Variants in PPARGC1A observed in about 807,000 individuals in gnomAD.
The protein encoded by PPARGC1A is peroxisome proliferator-activated receptor gamma coactivator 1-alpha.
A neutral mutation model predicts 88.7 loss-of-function variants in PPARGC1A; 25 were observed. The ratio of observed to expected loss-of-function variants is 0.28; its 90% confidence interval spans 0.21 to 0.39. PPARGC1A has a LOEUF of 0.39. Ranked by LOEUF, PPARGC1A falls within the 10% of genes least tolerant of loss-of-function variation. The probability of loss-of-function intolerance (pLI) is 1.00; values close to 1 mark genes in which losing one functional copy is unlikely to be tolerated. For missense variants in PPARGC1A, 880 were observed against 968.7 expected (o/e 0.91, Z 1.22); for synonymous variants, 363 against 355.6 (o/e 1.02, Z -0.24).
intron 1 of PPARGC1A, among the ~76,000 whole-genome samples, chr4:23,895,314 T>A (rs7687165): frequency 0.014 from 2,107 of 151,650 alleles, 42 homozygotes; most frequent in South Asian, 0.094. Flanking sequence ...ATATATATAT[T>A]TTTTTCTTTT....
At chr4:24,203,238 G>A in the PPARGC1A span, among the ~76,000 whole-genome samples, 2 of 152,188 alleles carry the variant, frequency 1.3e-5, no homozygotes, top group Non-Finnish European at 2.9e-5. Flanking sequence ...TTCTGCAGTT[G>A]TTTCATTAAG....
At chr4:24,275,390 C>T in the PPARGC1A span, among the ~76,000 whole-genome samples, 2 of 152,152 alleles carry the variant, frequency 1.3e-5, no homozygotes, top group African/African-American at 4.8e-5. Context: ...TATTACAGAA[C>T]TAATTTATAA....
At chr4:24,068,098 C>T in the PPARGC1A span, among the ~76,000 whole-genome samples, 3 of 152,154 alleles carry the variant, frequency 2.0e-5, no homozygotes, top group African/African-American at 7.2e-5. Context: ...AGGCACAGAC[C>T]ATGTGGTCCT....
upstream of PPARGC1A, among the ~76,000 whole-genome samples, chr4:23,901,985 T>C (rs1355928188): frequency 1.3e-5 from 2 of 152,160 alleles, no homozygotes; most frequent in East Asian, 1.9e-4. Flanking sequence ...TAGCCACATA[T>C]ATGGCTACTG....
the PPARGC1A span, among the ~76,000 whole-genome samples, chr4:24,446,704 C>G: frequency 6.7e-6 from 1 of 150,356 alleles, no homozygotes; most frequent in Non-Finnish European, 1.5e-5. Flanking sequence ...TCAAGCAATT[C>G]TCCTGCCTCA....
At chr4:24,248,163 C>A in the PPARGC1A span, among the ~76,000 whole-genome samples, 8 of 152,124 alleles carry the variant, frequency 5.3e-5, no homozygotes, top group African/African-American at 1.7e-4. Context: ...CTCGCTCTGT[C>A]GCCCAGGCTG....
At chr4:24,237,558 C>T in the PPARGC1A span, among the ~76,000 whole-genome samples, 2 of 152,182 alleles carry the variant, frequency 1.3e-5, no homozygotes, top group Non-Finnish European at 2.9e-5. Context: ...AAATGGAGTT[C>T]GATACCCGTA....
At chr4:23,863,843 T>C (rs1731680051) in intron 2 of PPARGC1A, among the ~76,000 whole-genome samples, 1 of 152,152 alleles carries the variant, frequency 6.6e-6, no homozygotes, top group Non-Finnish European at 1.5e-5. Flanking sequence ...GCCTCCCAGG[T>C]TCAAGTGATT....
chr4:24,208,726 G>A, the PPARGC1A span, among the ~76,000 whole-genome samples: 1 of 147,714 alleles, frequency 6.8e-6, no homozygotes, highest in African/African-American at 2.5e-5. Flanking sequence ...ATATATTACA[G>A]TAATACGTAT....
the PPARGC1A span, among the ~76,000 whole-genome samples, chr4:23,998,919 T>G: frequency 6.6e-6 from 1 of 152,242 alleles, no homozygotes; most frequent in African/African-American, 2.4e-5. Context: ...AAATTCCAAA[T>G]GGGATACTGT....
intron 2 of PPARGC1A, among the ~76,000 whole-genome samples, chr4:23,858,293 TA>T (rs1010313440): frequency 1.3e-5 from 2 of 152,186 alleles, no homozygotes; most frequent in African/African-American, 4.8e-5. Flanking sequence ...GGATTTTTTT[TA>T]CTCCCTGGTT....
At chr4:24,109,714 G>A in the PPARGC1A span, among the ~76,000 whole-genome samples, 1 of 152,148 alleles carries the variant, frequency 6.6e-6, no homozygotes, top group South Asian at 2.1e-4. Context: ...GAGTAGTAGA[G>A]TGTCCCACAC....
chr4:24,159,867 A>G, the PPARGC1A span, among the ~76,000 whole-genome samples: 1 of 152,198 alleles, frequency 6.6e-6, no homozygotes, highest in Non-Finnish European at 1.5e-5. Context: ...AAGGCAGCAA[A>G]TTAGCTGGGA....
chr4:24,220,831 C>A, the PPARGC1A span, among the ~76,000 whole-genome samples: 1 of 152,062 alleles, frequency 6.6e-6, no homozygotes, highest in East Asian at 1.9e-4. Context: ...ACACAATATA[C>A]CCATTTAACA....
chr4:24,204,349 G>A, the PPARGC1A span, among the ~76,000 whole-genome samples: 1 of 151,982 alleles, frequency 6.6e-6, no homozygotes, highest in Non-Finnish European at 1.5e-5. Context: ...GTTCTTTGAG[G>A]GCAAAAAACC....
At chr4:24,333,153 A>G in the PPARGC1A span, among the ~76,000 whole-genome samples, 1 of 152,162 alleles carries the variant, frequency 6.6e-6, no homozygotes, top group Non-Finnish European at 1.5e-5. Flanking sequence ...GAGAGGCATG[A>G]GAATCACTTG....
At chr4:24,043,722 T>C in the PPARGC1A span, among the ~76,000 whole-genome samples, 1 of 152,190 alleles carries the variant, frequency 6.6e-6, no homozygotes, top group Non-Finnish European at 1.5e-5. Context: ...ATGGGGTAAA[T>C]AATGTTAGGT....
chr4:23,985,012 C>G, the PPARGC1A span, among the ~76,000 whole-genome samples: 9 of 151,932 alleles, frequency 5.9e-5, no homozygotes, highest in Non-Finnish European at 1.2e-4. Context: ...TCAGAGTGGC[C>G]AGAAGACAGA....
At chr4:23,806,934 T>C (rs1719915784) in intron 10 of PPARGC1A, among the ~76,000 whole-genome samples, 2 of 152,206 alleles carry the variant, frequency 1.3e-5, no homozygotes. Flanking sequence ...TTAATGCTTT[T>C]AATGGGTGAT....
Sources: allele counts gnomAD v4.1 joint callset (sites outside exome capture counted in the v4.1 genomes callset), GRCh38; gene constraint gnomAD v4.1.1; transcripts MANE v1.5; gene names NCBI Gene and HGNC (gene_info 2026-07-23, HGNC 2026-07-21).